The following HIF3A variants were observed in gnomAD, a reference collection of about 807,000 sequenced individuals.
The protein encoded by HIF3A is hypoxia inducible factor 3 subunit alpha.
In HIF3A, 41 loss-of-function variants were observed where a neutral mutation model predicts 67.2. That is an observed-to-expected ratio of 0.61 (90% CI 0.48 to 0.79). The LOEUF (loss-of-function observed/expected upper bound fraction) is 0.79. Among genes scored for constraint, HIF3A ranks in the 30% least tolerant of loss-of-function variants. The pLI is 0.00. For synonymous variants in HIF3A, 356 were observed against 374.8 expected, an observed-to-expected ratio of 0.95 and a Z score of 0.58; for missense variants, 855 against 898.0, an observed-to-expected ratio of 0.95 and a Z score of 0.61.
chr19:46,336,586 C>T (rs1247959300), intron 14 of HIF3A, among the ~76,000 whole-genome samples: 1 of 152,082 alleles, frequency 6.6e-6, no homozygotes, highest in Non-Finnish European at 1.5e-5. Flanking sequence ...AGAATTTCAC[C>T]ACGTTGCCCA....
Position 46,312,641 on chromosome 19 carries a change from AT to A in HIF3A, c.1019del (p.Leu340Ter). ...GPQSESIVCV[H>X]FLISQVEETG... ...CAGTCGGAGAGTATCGTCTGTGTCC[AT>A]TTTTTAATCAGGTAAGCAGGAGGAG... On this transcript the variant is annotated frameshift_variant, in exon 8 of 15. Coordinates refer to ENST00000377670, the MANE Select transcript of HIF3A (RefSeq NM_152795.4). LOFTEE classifies it high-confidence loss of function. The A allele has an allele frequency of 6.4e-7, 1 of 1,558,528 alleles. No homozygotes were observed. Among genetic ancestry groups the A allele is most frequent in the South Asian group, 1.2e-5 (1 of 82,416 alleles).
At chr19:46,317,687 G>A (rs1223767615) in intron 8 of HIF3A, among the ~76,000 whole-genome samples, 1 of 151,918 alleles carries the variant, frequency 6.6e-6, no homozygotes, top group Non-Finnish European at 1.5e-5. Context: ...TTTCTCTCCT[G>A]GTGTCCTGTA....
At chr19:46,311,071 A>T (rs942060600) in intron 6 of HIF3A, among the ~76,000 whole-genome samples, 8 of 151,940 alleles carry the variant, frequency 5.3e-5, no homozygotes, top group Admixed American at 2.6e-4. Context: ...ATTACTTTTT[A>T]TTTATTTTCA....
chr19:46,309,855 T>C (rs1212173367), intron 6 of HIF3A, among the ~76,000 whole-genome samples: 1 of 151,896 alleles, frequency 6.6e-6, no homozygotes, highest in East Asian at 1.9e-4. Context: ...GGGAGGCCGA[T>C]GCGGGAGAAT....
chr19:46,314,982 G>A (rs555202919), intron 8 of HIF3A, among the ~76,000 whole-genome samples: 1 of 147,262 alleles, frequency 6.8e-6, no homozygotes, highest in African/African-American at 2.5e-5. Flanking sequence ...CACATACAGG[G>A]AATCCTACAG....
Position 46,339,623 on chromosome 19 carries a change from G to C in HIF3A, c.*1G>C, listed in dbSNP as rs747334161. ...GGCAGGCTCAGCCCAGGCTGACTGA[G>C]CCGGCTCCTCTCCCCATCTGCCTTC... On this transcript the variant is annotated 3_prime_UTR_variant, in exon 15 of 15. Coordinates refer to ENST00000377670, the MANE Select transcript of HIF3A (RefSeq NM_152795.4). 6.3e-7 allele frequency: 1 copy of C among 1,593,036 alleles called. No homozygotes were observed. Among genetic ancestry groups the C allele is most frequent in the Admixed American group, 1.8e-5 (1 of 56,476 alleles).
At chr19:46,299,554 G>A (rs11083816) in intron 1 of HIF3A, among the ~76,000 whole-genome samples, 145,093 of 151,930 alleles carry the variant, frequency 0.95, 69,413 homozygotes, top group African/African-American at 0.98. Context: ...TATACTAGAA[G>A]TAAGCAAATT....
chr19:46,342,505 G>A lies in HIF3A; in HGVS notation c.*2883G>A, dbSNP rs1234579576. On this transcript the variant is annotated 3_prime_UTR_variant, in exon 15 of 15. Transcript: ENST00000377670. ...CCTCCTTGGCCTCACCAAAGTGCTGGGACTACAGGCATGAGCCACTGAGCC... is the reference window on the plus strand; with the variant it reads ...CCTCCTTGGCCTCACCAAAGTGCTGAGACTACAGGCATGAGCCACTGAGCC... 6.6e-6 allele frequency: 1 copy of A among 152,012 alleles called. No homozygotes were observed. Among genetic ancestry groups the A allele is most frequent in the Non-Finnish European group, 1.5e-5 (1 of 68,020 alleles). 9.4% of individuals were successfully genotyped at this position (152,012 alleles called of 1,614,324 possible).
At chr19:46,318,732 T>G (rs1170176016) in intron 8 of HIF3A, among the ~76,000 whole-genome samples, 1 of 151,838 alleles carries the variant, frequency 6.6e-6, no homozygotes, top group Non-Finnish European at 1.5e-5. Flanking sequence ...GTGATTCTCC[T>G]GCCTCAACCT....
intron 1 of HIF3A, among the ~76,000 whole-genome samples, chr19:46,302,232 C>T (rs910532986): frequency 4.0e-5 from 6 of 151,666 alleles, no homozygotes; most frequent in African/African-American, 1.5e-4. Flanking sequence ...CAGGTTCAAG[C>T]GATTCTCCTG....
intron 1 of HIF3A, chr19:46,298,463 C>A: frequency 1.6e-6 from 2 of 1,288,188 alleles, no homozygotes; most frequent in Non-Finnish European, 2.0e-6. Context: ...TGCACCGCAT[C>A]CCCTCCTGCA....
chr19:46,327,994 T>G (rs573743563), intron 11 of HIF3A, among the ~76,000 whole-genome samples: 1 of 152,304 alleles, frequency 6.6e-6, no homozygotes, highest in African/African-American at 2.4e-5. Context: ...GTTCAGAGTT[T>G]TTATTGGGGT....
rs528962234 is a variant in HIF3A at position 46,321,324 on chromosome 19, C to T, written c.1145-452C>T. On this transcript the variant is annotated intron_variant, in intron 9 of 14. Transcript: ENST00000377670. ...CTGGGCTGGGAGCAGTGGTTTATGCCTGCAATCCCAGCACTTTGGGAGGCC... is the reference window on the plus strand; with the variant it reads ...CTGGGCTGGGAGCAGTGGTTTATGCTTGCAATCCCAGCACTTTGGGAGGCC... Among the ~76,000 whole-genome samples, 3 of 152,294 alleles carry T rather than the reference C, an allele frequency of 2.0e-5. No homozygotes were observed. In the East Asian group the frequency reaches 5.8e-4, roughly 29 times the overall value.
intron 1 of HIF3A, chr19:46,298,610 C>T: frequency 1.0e-6 from 1 of 957,730 alleles, no homozygotes; most frequent in Non-Finnish European, 1.4e-6. Flanking sequence ...TGGGAAGTCC[C>T]TGGTGGGTAC....
At chr19:46,327,156 A>G (rs1396905890) in intron 11 of HIF3A, among the ~76,000 whole-genome samples, 1 of 149,982 alleles carries the variant, frequency 6.7e-6, no homozygotes, top group East Asian at 1.9e-4. Flanking sequence ...TTTTGTCCCA[A>G]AAAAAATATA....
In HIF3A at chr19:46,340,243, T is replaced by G. The variant is rs1467801327; in HGVS notation, c.*621T>G. The G allele has an allele frequency of 1.3e-5, 2 of 152,478 alleles. No individual in the cohort carries two copies. Among genetic ancestry groups the G allele is most frequent in the Non-Finnish European group, 2.9e-5 (2 of 68,244 alleles). The allele number at this position is 152,478 out of a possible 1,614,324, so 9.4% of individuals were successfully genotyped here. ...CCCCAAGCTGCCCGCCAGCTCTGAC[T>G]GCCCCTTGCGCTCTGGGCTTCCTGC... On this transcript the variant is annotated 3_prime_UTR_variant, in exon 15 of 15. Coordinates refer to ENST00000377670, the MANE Select transcript of HIF3A (RefSeq NM_152795.4).
Position 46,334,995 on chromosome 19 carries a change from C to A in HIF3A, c.1912+9C>A. On this transcript the variant is annotated intron_variant, in intron 14 of 14. Coordinates refer to ENST00000377670, the MANE Select transcript of HIF3A (RefSeq NM_152795.4). ...CCTGAATGAGCCCCTGGGTGAGTAG[C>A]AACCTGGGTATCCAGAGCCCCAGAG... is the stretch of plus-strand genomic sequence containing the variant. 6.2e-7 allele frequency: 1 copy of A among 1,600,134 alleles called. No homozygotes were observed. The highest frequency in any genetic ancestry group is 8.5e-7 in the Non-Finnish European group (1 of 1,172,704).
intron 9 of HIF3A, among the ~76,000 whole-genome samples, chr19:46,321,258 C>T: frequency 6.6e-6 from 1 of 152,142 alleles, no homozygotes; most frequent in East Asian, 1.9e-4. Context: ...CCCCTCGGAC[C>T]TTTCAGAGCC....
At chr19:46,298,047 C>T (rs1448377324) in intron 1 of HIF3A, among the ~76,000 whole-genome samples, 3 of 152,070 alleles carry the variant, frequency 2.0e-5, no homozygotes, top group African/African-American at 4.8e-5. Flanking sequence ...GGGCCGCTGC[C>T]GGGGGGTTTT....
Sources: gnomAD v4.1 joint callset for allele counts (sites outside exome capture counted in the v4.1 genomes callset) on GRCh38, gnomAD v4.1.1 for gene constraint, MANE v1.5 for transcripts, NCBI Gene and HGNC (gene_info 2026-07-23, HGNC 2026-07-21) for gene names.